Variants in PRH1 observed in about 807,000 individuals in gnomAD.
The protein encoded by PRH1 is salivary acidic proline-rich phosphoprotein 1/2.
PRH1 carries 7 observed loss-of-function variants against 7.9 expected under a neutral mutation model. The ratio of observed to expected loss-of-function variants is 0.89; its 90% CI spans 0.50 to 1.67. PRH1 has a LOEUF of 1.67. PRH1 is among the 40% of genes most tolerant of loss of function. The pLI is 0.00. For synonymous variants in PRH1, 45 were observed against 80.8 expected, an observed-to-expected ratio of 0.56 and a Z score of 2.38; for missense variants, 109 against 223.6, an observed-to-expected ratio of 0.49 and a Z score of 3.27.
Position 11,106,147 on chromosome 12 carries a change from A to T in PRH1, n.124-58959T>A, listed in dbSNP as rs1235282699. On this transcript the variant is annotated intron_variant and non_coding_transcript_variant, in intron 1 of 4. Transcript: ENST00000541977. Reference sequence around the variant, plus strand: ...AGTAGAGACGGGGTTTCACCGTGTTAGCCAGGATGGTCTCGATCTCCTGAC... The same window carrying T: ...AGTAGAGACGGGGTTTCACCGTGTTTGCCAGGATGGTCTCGATCTCCTGAC... Among the ~76,000 whole-genome samples the T allele has an allele frequency of 3.8e-5, 2 of 52,368 alleles. 1 individual carries two copies. Among genetic ancestry groups the T allele is most frequent in the Non-Finnish European group, 1.1e-4 (2 of 18,308 alleles). The allele number at this position is 52,368 out of a possible 152,430, so 34.4% of individuals were successfully genotyped here. A position where few individuals can be genotyped will look rare whatever the true frequency, so the allele number is the denominator to read the frequency against.
rs762436956 is a variant in PRH1 at position 10,908,963 on chromosome 12, C to T, written c.-58-24688G>A. The T allele has an allele frequency of 5.6e-6, 9 of 1,613,438 alleles. No individual in the cohort carries two copies. In the East Asian group the frequency reaches 1.1e-4, roughly 20 times the overall value. On this transcript the variant is annotated intron_variant, in intron 2 of 3. Transcript: ENST00000539853. ...AGAGAAAAGCAGGGCTAGAGAAACT[C>T]GCTATTTTGAGCAAATAAAAGATGC... is the stretch of plus-strand genomic sequence containing the variant.
At chr12:10,999,784 T>G (rs1014788306) in intron 1 of PRH1, among the ~76,000 whole-genome samples, 1 of 152,170 alleles carries the variant, frequency 6.6e-6, no homozygotes, top group Non-Finnish European at 1.5e-5. Context: ...CACAGCTTGG[T>G]CTGTCCTGCT....
chr12:10,980,733 G>C (rs900648546), intron 1 of PRH1, among the ~76,000 whole-genome samples: 18 of 152,164 alleles, frequency 1.2e-4, no homozygotes, highest in African/African-American at 4.3e-4. Flanking sequence ...TTTCAATTTA[G>C]AGACAAGAGA....
intron 2 of PRH1, among the ~76,000 whole-genome samples, chr12:10,914,379 T>A (rs1949943875): frequency 6.6e-6 from 1 of 152,212 alleles, no homozygotes; most frequent in Non-Finnish European, 1.5e-5. Flanking sequence ...ATTATGTGTG[T>A]ATTCAGGGAC....
intron 1 of PRH1, among the ~76,000 whole-genome samples, chr12:11,016,404 A>G (rs375601255): frequency 2.0e-5 from 3 of 152,166 alleles, no homozygotes; most frequent in African/African-American, 7.2e-5. Context: ...GGACTCGCAT[A>G]TTGGTTATAG....
upstream of PRH1, among the ~76,000 whole-genome samples, chr12:10,887,399 T>G (rs1353673410): frequency 6.6e-6 from 1 of 152,224 alleles, no homozygotes; most frequent in Non-Finnish European, 1.5e-5. Context: ...CAACTTGCTT[T>G]GACTTGTCTA....
At chr12:11,115,487 T>C (rs1335566923) in intron 1 of PRH1, among the ~76,000 whole-genome samples, 1 of 152,100 alleles carries the variant, frequency 6.6e-6, no homozygotes, top group African/African-American at 2.4e-5. Context: ...ATCAGACAGA[T>C]CCTCCAGACA....
At chr12:11,142,573 A>C (rs184896813) in intron 1 of PRH1, among the ~76,000 whole-genome samples, 19 of 152,348 alleles carry the variant, frequency 1.2e-4, no homozygotes, top group Non-Finnish European at 2.2e-4. Flanking sequence ...AAAAAAAGGT[A>C]CTATTGCAAT....
intron 1 of PRH1, among the ~76,000 whole-genome samples, chr12:11,072,613 C>A (rs1272524190): frequency 2.6e-5 from 4 of 152,198 alleles, no homozygotes; most frequent in Non-Finnish European, 5.9e-5. Context: ...TTTTTACATC[C>A]CTCTCCACTT....
At chr12:11,039,210 C>T (rs1195568385) in intron 1 of PRH1, among the ~76,000 whole-genome samples, 1 of 152,170 alleles carries the variant, frequency 6.6e-6, no homozygotes, top group Non-Finnish European at 1.5e-5. Flanking sequence ...TTTTTAAAGG[C>T]AGGCCTGATA....
rs1453225602 is a variant in PRH1 at position 11,089,004 on chromosome 12, T to TA, written n.124-41817dup. ...GAGTCCCTCTAAACACAAGTCCCTATAAGCACAAAACCCTATGCAACTGTG... is the reference window on the plus strand; with the variant it reads ...GAGTCCCTCTAAACACAAGTCCCTATAAAGCACAAAACCCTATGCAACTGTG... On this transcript the variant is annotated intron_variant and non_coding_transcript_variant, in intron 1 of 4. Coordinates refer to the PRH1 transcript ENST00000541977. Among the ~76,000 whole-genome samples the TA allele has an allele frequency of 2.6e-5, 3 of 115,758 alleles. 1 individual carries two copies. The highest frequency in any genetic ancestry group is 8.7e-5 in the African/African-American group (3 of 34,606). The allele number at this position is 115,758 out of a possible 152,430, so 75.9% of individuals were successfully genotyped here. A position where few individuals can be genotyped will look rare whatever the true frequency, so the allele number is the denominator to read the frequency against.
intron 2 of PRH1, chr12:10,938,976 TG>T: frequency 4.3e-6 from 7 of 1,613,362 alleles, no homozygotes; most frequent in East Asian, 2.2e-5. Context: ...ATTTTTTCAG[TG>T]GCAAATAAAG....
intron 1 of PRH1, among the ~76,000 whole-genome samples, chr12:11,039,400 A>G: frequency 6.6e-6 from 1 of 152,374 alleles, no homozygotes; most frequent in Non-Finnish European, 1.5e-5. Flanking sequence ...AAACAGCTCA[A>G]ATTAACTCTT....
chr12:10,896,650 T>G (rs1177478881), intron 2 of PRH1, among the ~76,000 whole-genome samples: 1 of 151,392 alleles, frequency 6.6e-6, no homozygotes, highest in Non-Finnish European at 1.5e-5. Flanking sequence ...TAATCCCAGT[T>G]ACTCGGGAGG....
At chr12:11,143,910 G>C (rs975111289) in intron 1 of PRH1, among the ~76,000 whole-genome samples, 1 of 152,220 alleles carries the variant, frequency 6.6e-6, no homozygotes, top group Non-Finnish European at 1.5e-5. Context: ...CTGGTACTGG[G>C]AGTTGTCTGC....
chr12:10,941,599 A>G (rs920616237), intron 2 of PRH1, among the ~76,000 whole-genome samples: 1 of 151,196 alleles, frequency 6.6e-6, no homozygotes, highest in Non-Finnish European at 1.5e-5. Context: ...ATTAAAATTT[A>G]TTTGAATATT....
At chr12:11,158,514 T>C (rs1488686031) in intron 1 of PRH1, among the ~76,000 whole-genome samples, 1 of 152,158 alleles carries the variant, frequency 6.6e-6, no homozygotes, top group Non-Finnish European at 1.5e-5. Context: ...TATATTCCAT[T>C]ATAAATGTTT....
chr12:10,894,941 T>G (rs1949622907), intron 2 of PRH1: 1 of 152,160 alleles, frequency 6.6e-6, no homozygotes, highest in African/African-American at 2.4e-5. Context: ...ATATCAGGCA[T>G]GTTTATAAAA....
At chr12:11,015,535 C>A (rs1245676911) in intron 1 of PRH1, among the ~76,000 whole-genome samples, 3 of 152,142 alleles carry the variant, frequency 2.0e-5, no homozygotes, top group Non-Finnish European at 2.9e-5. Flanking sequence ...ACCAAATTGC[C>A]TCCAGTAAAC....
Sources: allele counts gnomAD v4.1 joint callset (sites outside exome capture counted in the v4.1 genomes callset), GRCh38; gene constraint gnomAD v4.1.1; transcripts MANE v1.5; gene names NCBI Gene and HGNC (gene_info 2026-07-23, HGNC 2026-07-21).